OPRM1: variants seen among roughly 807,000 people sequenced by gnomAD.
OPRM1 encodes the protein mu-type opioid receptor.
In OPRM1, 27 loss-of-function variants were observed where a neutral mutation model predicts 31.8. The observed-to-expected ratio is 0.85, with a 90% CI of 0.63 to 1.17. OPRM1 has a LOEUF of 1.17. Among genes scored for constraint, OPRM1 ranks in the 50% most tolerant of loss-of-function variants. The pLI is 0.00. For missense variants in OPRM1, 536 were observed against 511.1 expected (o/e 1.05, Z -0.47); for synonymous variants, 196 against 189.9 (o/e 1.03, Z -0.26).
At chr6:154,032,196 T>C (rs915194083) in intron 1 of OPRM1, among the ~76,000 whole-genome samples, 2 of 152,254 alleles carry the variant, frequency 1.3e-5, no homozygotes, top group African/African-American at 4.8e-5. Flanking sequence ...GAGCAGTCTA[T>C]GATTTTCTTT....
At chr6:154,075,256 T>C (rs1787612117) in intron 1 of OPRM1, among the ~76,000 whole-genome samples, 1 of 152,110 alleles carries the variant, frequency 6.6e-6, no homozygotes, top group East Asian at 1.9e-4. Flanking sequence ...CAACTTACAC[T>C]AGAAACATGC....
rs774203785 is a variant in OPRM1, at chr6:154,080,802, A to G, written c.291-9024A>G. Among the ~76,000 whole-genome samples, 118 of 152,216 alleles carry G rather than the reference A, an allele frequency of 7.8e-4. 1 individual carries two copies. Among genetic ancestry groups the G allele is most frequent in the Non-Finnish European group, 9.0e-4 (61 of 68,036 alleles). ...CACAACACCATACATCCAAAGTGTC[A>G]ACACCAAATCTACTTTTCCTCTCTG... On this transcript the variant is annotated intron_variant, in intron 1 of 3. Transcript: ENST00000330432.
chr6:154,189,012 A>T (rs1317767988), intron 3 of OPRM1, among the ~76,000 whole-genome samples: 1 of 152,236 alleles, frequency 6.6e-6, no homozygotes, highest in African/African-American at 2.4e-5. Context: ...TTATTAAAAG[A>T]TACTACTTTA....
intron 3 of OPRM1, among the ~76,000 whole-genome samples, chr6:154,190,838 C>T (rs1211610800): frequency 6.6e-6 from 1 of 152,156 alleles, no homozygotes; most frequent in Admixed American, 6.5e-5. Flanking sequence ...TAAAAAGTGA[C>T]CTATCCAGGA....
chr6:154,128,207 G>A lies in OPRM1; in HGVS notation c.*9486G>A, dbSNP rs1253490914. Among the ~76,000 whole-genome samples, 1 of 152,110 alleles carries A rather than the reference G, an allele frequency of 6.6e-6. No homozygotes were observed. The stretch of plus-strand genomic sequence containing the variant: ...GGGAAAATAACAATAAGAAAAACTG[G>A]TGTTTACCTGAAGATCTGCCCAGTG... On this transcript the variant is annotated 3_prime_UTR_variant, in exon 4 of 4. Transcript: ENST00000330432.
chr6:154,068,815 A>G (rs1786024104), intron 1 of OPRM1, among the ~76,000 whole-genome samples: 1 of 152,158 alleles, frequency 6.6e-6, no homozygotes, highest in Non-Finnish European at 1.5e-5. Flanking sequence ...ACTAATTTGC[A>G]TTTCCACCAA....
intron 1 of OPRM1, among the ~76,000 whole-genome samples, chr6:154,080,537 G>A (rs556418753): frequency 3.7e-4 from 56 of 152,238 alleles, no homozygotes; most frequent in Admixed American, 5.9e-4. Context: ...TATTTCTGAC[G>A]TAGCCTGCAA....
At chr6:154,071,073 C>T (rs1786605378) in intron 1 of OPRM1, among the ~76,000 whole-genome samples, 1 of 152,170 alleles carries the variant, frequency 6.6e-6, no homozygotes, top group East Asian at 1.9e-4. Context: ...ACTGAGCAAG[C>T]AGGTCTTCAC....
intron 1 of OPRM1, among the ~76,000 whole-genome samples, chr6:154,025,598 CT>C (rs1244663200): frequency 3.3e-5 from 5 of 151,812 alleles, no homozygotes; most frequent in Non-Finnish European, 7.4e-5. Context: ...GTGGTCTTAT[CT>C]TCCTTCTTTT....
chr6:154,025,718 A>T (rs1430228325), intron 1 of OPRM1, among the ~76,000 whole-genome samples: 1 of 151,950 alleles, frequency 6.6e-6, no homozygotes, highest in Non-Finnish European at 1.5e-5. Flanking sequence ...GGGTTATGTT[A>T]CCACGAGGCT....
chr6:154,039,174 G>A (rs1399218713), upstream of OPRM1: 13 of 1,551,550 alleles, frequency 8.4e-6, no homozygotes, highest in Non-Finnish European at 1.7e-6. Flanking sequence ...TGTTTGCACA[G>A]AAGAGTGCCC....
At chr6:154,044,250 C>T (rs1780658266) in intron 1 of OPRM1, among the ~76,000 whole-genome samples, 1 of 152,032 alleles carries the variant, frequency 6.6e-6, no homozygotes, top group East Asian at 1.9e-4. Context: ...TGTTTTTAAA[C>T]ATTTACTACA....
chr6:154,135,988 G>A (rs565183093), downstream of OPRM1, among the ~76,000 whole-genome samples: 84 of 152,314 alleles, frequency 5.5e-4, 1 homozygote, highest in South Asian at 0.017. Flanking sequence ...TACCTGTGTT[G>A]AGTATTTTTA....
intron 3 of OPRM1, chr6:154,107,391 T>G: frequency 1.4e-6 from 1 of 694,448 alleles, no homozygotes. Context: ...AAGGAAAATT[T>G]CAGACAGTCC....
chr6:154,194,088 C>T (rs953536973), intron 3 of OPRM1, among the ~76,000 whole-genome samples: 2 of 152,124 alleles, frequency 1.3e-5, no homozygotes, highest in African/African-American at 2.4e-5. Context: ...TGTTAATACC[C>T]GCTCCTCAAC....
chr6:154,207,725 C>T (rs1437439613), intron 3 of OPRM1, among the ~76,000 whole-genome samples: 1 of 152,128 alleles, frequency 6.6e-6, no homozygotes, highest in Admixed American at 6.5e-5. Context: ...TTTATTTTTC[C>T]TTATTGCTTC....
chr6:154,213,220 T>C, intron 3 of OPRM1: 1 of 243,502 alleles, frequency 4.1e-6, no homozygotes, highest in Non-Finnish European at 8.2e-6. Flanking sequence ...GCAGGATCAC[T>C]AAACTATCAG....
intron 3 of OPRM1, chr6:154,217,092 G>T: frequency 6.1e-6 from 1 of 162,648 alleles, no homozygotes; most frequent in East Asian, 1.8e-4. Context: ...GTCACTTTAC[G>T]GAAACAACGT....
Position 154,091,182 on chromosome 6 carries a change from A to T in OPRM1, c.874A>T (p.Ile292Phe). The T allele has an allele frequency of 6.2e-7, 1 of 1,614,162 alleles. No individual in the cohort carries two copies. The highest frequency in any genetic ancestry group is 1.6e-4 in the Middle Eastern group (1 of 6,062). ...GGTGCTGGTGGTGGTGGCTGTGTTC[A>T]TCGTCTGCTGGACTCCCATTCACAT... ...RMVLVVVAVF[I>F]VCWTPIHIYV... The change falls in exon 3 of 4, where the codon ATC (isoleucine) becomes TTC (phenylalanine). Residue 292 changes from isoleucine to phenylalanine, a missense_variant. By Grantham distance (21) the Ile-to-Phe change is conservative. Transcript: ENST00000330432.
Sources: allele counts gnomAD v4.1 joint callset (sites outside exome capture counted in the v4.1 genomes callset), GRCh38; gene constraint gnomAD v4.1.1; transcripts MANE v1.5; gene names NCBI Gene and HGNC (gene_info 2026-07-23, HGNC 2026-07-21).